The following FMNL3 variants were observed in gnomAD, a reference collection of about 807,000 sequenced individuals.
The protein encoded by FMNL3 is formin-like protein 3.
In FMNL3, 57 loss-of-function variants were observed where a neutral mutation model predicts 119.6. That is an observed-to-expected ratio of 0.48 (90% CI 0.39 to 0.59). FMNL3 has a LOEUF of 0.59. Ranked by LOEUF, FMNL3 falls within the 20% of genes least tolerant of loss-of-function variation. The pLI is 0.00. For synonymous variants in FMNL3, 491 were observed against 507.3 expected, an observed-to-expected ratio of 0.97 and a Z score of 0.43; for missense variants, 1,053 against 1,323.5, an observed-to-expected ratio of 0.80 and a Z score of 3.17.
At position 49,637,707 on chromosome 12, in the gene FMNL3, A is replaced by T; in HGVS notation, c.*8108T>A. On this transcript the variant is annotated 3_prime_UTR_variant, in exon 26 of 26. Transcript: ENST00000335154. ...AGGCCTTGGGAAGCTGCCGCCCGCC[A>T]GGCCCCCCTCCCTCCCTCCTTACAG... 1.1e-6 allele frequency: 1 copy of T among 872,020 alleles called. No homozygotes were observed. The highest frequency in any genetic ancestry group is 1.7e-6 in the Non-Finnish European group (1 of 604,112). The allele number at this position is 872,020 out of a possible 1,614,324, so 54.0% of individuals were successfully genotyped here.
At position 49,644,319 on chromosome 12, in the gene FMNL3, A is replaced by G; in HGVS notation, c.*1496T>C. 1 of 1,057,156 alleles carries G rather than the reference A, an allele frequency of 9.5e-7. No individual in the cohort carries two copies. The highest frequency in any genetic ancestry group is 1.4e-5 in the South Asian group (1 of 69,672). The allele number at this position is 1,057,156 out of a possible 1,614,324, so 65.5% of individuals were successfully genotyped here. A position where few individuals can be genotyped will look rare whatever the true frequency, so the allele number is the denominator to read the frequency against. ...CTTTTTCTAAAGTAACCCCACCCCCAGCACACCATTGTTGGCACCTCTCAA... is the reference window on the plus strand; with the variant it reads ...CTTTTTCTAAAGTAACCCCACCCCCGGCACACCATTGTTGGCACCTCTCAA... On this transcript the variant is annotated 3_prime_UTR_variant, in exon 26 of 26. Transcript: ENST00000335154.
chr12:49,636,614 C>T lies in FMNL3; in HGVS notation c.*9201G>A. On this transcript the variant is annotated 3_prime_UTR_variant, in exon 26 of 26. Coordinates refer to ENST00000335154, the MANE Select transcript of FMNL3 (RefSeq NM_175736.5). ...CCCTTCCCCCACCACCCTGGGTATC[C>T]CTAGCACCTGTAGGACAGCATCGTT... The T allele has an allele frequency of 6.5e-7, 1 of 1,535,090 alleles. No individual in the cohort carries two copies.
rs1422897757 is a variant in FMNL3 at position 49,656,837 on chromosome 12, A to T, written c.777T>A (p.Asn259Lys). ...AAGGAACTCACCTTGGATTCTTGTT[A>T]TTGAGGCTAAGTGCAATCTCATTGA... is the stretch of plus-strand genomic sequence containing the variant. The part of the protein sequence containing the change: ...HAVNEIALSL[N>K]NKNPRTKALV... The change falls in exon 8 of 26, where the codon AAT (asparagine) becomes AAA (lysine). Residue 259 changes from asparagine to lysine, a missense_variant. Asn to Lys is a moderately conservative substitution (Grantham distance 94). Around this residue, in one of 4 missense-constraint regions of FMNL3, gnomAD observed 445 missense variants for 628.4 expected, o/e 0.71. Transcript: ENST00000335154. 1 of 1,613,904 alleles carries T rather than the reference A, an allele frequency of 6.2e-7. No homozygotes were observed. Among genetic ancestry groups the T allele is most frequent in the Non-Finnish European group, 8.5e-7 (1 of 1,179,926 alleles).
At chr12:49,653,404 C>T in intron 12 of FMNL3, 77 bp from the exon 13 acceptor site, 1 of 1,458,088 alleles carries the variant, frequency 6.9e-7, no homozygotes, top group East Asian at 2.3e-5. Context: ...CTAGTCAAGA[C>T]CTGAGTCGGA....
rs1182055088 is a variant in FMNL3 at position 49,642,633 on chromosome 12, G to A, written c.*3182C>T. The A allele has an allele frequency of 2.5e-6, 4 of 1,614,198 alleles. No individual in the cohort carries two copies. In the South Asian group the frequency reaches 3.3e-5, roughly 13 times the overall value. ...CCTTTGAGCAGATCACCCTGGAGTCGGAGCGGATCCGGCTCTTCCGGGAGT... is the reference window on the plus strand; with the variant it reads ...CCTTTGAGCAGATCACCCTGGAGTCAGAGCGGATCCGGCTCTTCCGGGAGT... On this transcript the variant is annotated 3_prime_UTR_variant, in exon 26 of 26. Coordinates refer to ENST00000335154, the MANE Select transcript of FMNL3 (RefSeq NM_175736.5). The surrounding 1 kb of genome is among the most constrained non-coding windows in gnomAD (Gnocchi z 5.8).
intron 25 of FMNL3, chr12:49,646,673 A>C: frequency 6.5e-7 from 1 of 1,535,282 alleles, no homozygotes; most frequent in Non-Finnish European, 8.7e-7. Context: ...TAACAGTTTG[A>C]CTCATCATGG....
At chr12:49,682,731 CCTCAT>C (rs1290618607) in intron 1 of FMNL3, among the ~76,000 whole-genome samples, 1 of 151,866 alleles carries the variant, frequency 6.6e-6, no homozygotes, top group Non-Finnish European at 1.5e-5. Context: ...AGTATGATTC[CCTCAT>C]CTCATGTGAT....
rs1942048276 is a variant in FMNL3, at chr12:49,637,736, C to G, written c.*8079G>C. 1 of 1,593,394 alleles carries G rather than the reference C, an allele frequency of 6.3e-7. No homozygotes were observed. The highest frequency in any genetic ancestry group is 1.3e-5 in the African/African-American group (1 of 74,274). On this transcript the variant is annotated 3_prime_UTR_variant, in exon 26 of 26. Coordinates refer to ENST00000335154, the MANE Select transcript of FMNL3 (RefSeq NM_175736.5). ...CCCCCTCCCTCCCTCCTTACAGGCT[C>G]CACCCCTCTGGACTTATTCAAGTTC...
At chr12:49,682,071 C>T (rs1183225490) in intron 1 of FMNL3, among the ~76,000 whole-genome samples, 1 of 150,762 alleles carries the variant, frequency 6.6e-6, no homozygotes, top group East Asian at 2.0e-4. Context: ...ACAATTTCAA[C>T]CTTTTTTTTT....
intron 1 of FMNL3, among the ~76,000 whole-genome samples, chr12:49,687,854 A>T (rs1213266188): frequency 2.0e-5 from 3 of 152,124 alleles, no homozygotes; most frequent in African/African-American, 7.2e-5. Flanking sequence ...CTGAACCCTA[A>T]CATTCCCTCC....
intron 1 of FMNL3, among the ~76,000 whole-genome samples, chr12:49,680,256 A>G (rs17123879): frequency 0.022 from 3,388 of 152,328 alleles, 133 homozygotes; most frequent in African/African-American, 0.077. Flanking sequence ...AAAGCCATAA[A>G]ACTTAATGAA....
Position 49,652,136 on chromosome 12 carries a change from C to T in FMNL3, c.1400G>A (p.Arg467His), listed in dbSNP as rs1286854829. ...GACATTTGGCTCCAAATGACATCGA[C>T]GCTGAAAGGCCTCCTCCTTCTCTTT... ...LIKEKEEAFQ[R>H]RCHLEPNVRG... is the part of the protein sequence containing the mutation. The change falls in exon 14 of 26, where the codon CGT becomes CAT. Residue 467 changes from arginine to histidine, a missense_variant. This residue lies in a region of FMNL3 where 445 missense variants were observed against 628.4 expected (regional missense o/e 0.71). Coordinates refer to ENST00000335154, the MANE Select transcript of FMNL3 (RefSeq NM_175736.5). 8.7e-6 allele frequency: 14 copies of T among 1,613,130 alleles called. No individual in the cohort carries two copies. The highest frequency in any genetic ancestry group is 5.0e-5 in the Admixed American group (3 of 59,896).
chr12:49,660,268 T>G (rs1157179545), intron 5 of FMNL3, among the ~76,000 whole-genome samples: 1 of 152,144 alleles, frequency 6.6e-6, no homozygotes, highest in African/African-American at 2.4e-5. Flanking sequence ...GAGTCAAAGG[T>G]ATTGCCATGG....
chr12:49,687,524 C>T (rs999497493), intron 1 of FMNL3, among the ~76,000 whole-genome samples: 1 of 152,144 alleles, frequency 6.6e-6, no homozygotes. Flanking sequence ...GCTATAACCC[C>T]CAATGACCAT....
rs955996605 is a variant in FMNL3, at chr12:49,637,002, T to C, written c.*8813A>G. ...GAGACCTCTCTCTGCCTGCAGTCTG[T>C]TTCTGCTGTACCTCCTCAATTCTGG... is the stretch of plus-strand genomic sequence containing the variant. On this transcript the variant is annotated 3_prime_UTR_variant, in exon 26 of 26. Transcript: ENST00000335154. 8.7e-7 allele frequency: 1 copy of C among 1,151,516 alleles called. No individual in the cohort carries two copies. Among genetic ancestry groups the C allele is most frequent in the Non-Finnish European group, 1.2e-6 (1 of 817,926 alleles). The allele number at this position is 1,151,516 out of a possible 1,614,324, so 71.3% of individuals were successfully genotyped here. A position where few individuals can be genotyped will look rare whatever the true frequency, so the allele number is the denominator to read the frequency against.
chr12:49,642,368 A>G lies in FMNL3; in HGVS notation c.*3447T>C. Reference sequence around the variant, plus strand: ...GCTCTGGAGCTAGGCACTGCCTGGGAAGAGGTCAGGAGCGTAGCCTGGCCC... The same window carrying G: ...GCTCTGGAGCTAGGCACTGCCTGGGGAGAGGTCAGGAGCGTAGCCTGGCCC... On this transcript the variant is annotated 3_prime_UTR_variant, in exon 26 of 26. Transcript: ENST00000335154. This position sits in a 1 kb window ranked among gnomAD's most constrained non-coding sequence, Gnocchi z 5.8. The G allele has an allele frequency of 1.2e-5, 19 of 1,613,724 alleles. No homozygotes were observed. The highest frequency in any genetic ancestry group is 1.5e-5 in the Non-Finnish European group (18 of 1,179,992).
intron 1 of FMNL3, among the ~76,000 whole-genome samples, chr12:49,689,748 T>C (rs907005844): frequency 6.6e-6 from 1 of 152,194 alleles, no homozygotes; most frequent in African/African-American, 2.4e-5. Context: ...AAACTCAGTG[T>C]GTACTGGCCA....
In FMNL3 at chr12:49,640,065, C is replaced by A. The variant is rs2138602729; in HGVS notation, c.*5750G>T. On this transcript the variant is annotated 3_prime_UTR_variant, in exon 26 of 26. Coordinates refer to ENST00000335154, the MANE Select transcript of FMNL3 (RefSeq NM_175736.5). ...AACTTTTTTAGACAGTTCCCTTCCT[C>A]TTTCCCCATTTGGGTTCCTGCCTAT... The A allele has an allele frequency of 6.6e-6, 1 of 152,352 alleles. No homozygotes were observed. Among genetic ancestry groups the A allele is most frequent in the East Asian group, 1.9e-4 (1 of 5,186 alleles). The allele number at this position is 152,352 out of a possible 1,614,324, so 9.4% of individuals were successfully genotyped here.
At chr12:49,683,168 G>A (rs1944378792) in intron 1 of FMNL3, among the ~76,000 whole-genome samples, 1 of 152,138 alleles carries the variant, frequency 6.6e-6, no homozygotes, top group African/African-American at 2.4e-5. Flanking sequence ...TCACTGAAGG[G>A]CTGTGCTGTG....
Sources: gnomAD v4.1 joint callset for allele counts (sites outside exome capture counted in the v4.1 genomes callset) on GRCh38, gnomAD v4.1.1 for gene constraint, gnomAD v4.1.1 regional missense constraint, Gnocchi (gnomAD v3.1) non-coding constraint, MANE v1.5 for transcripts, NCBI Gene and HGNC (gene_info 2026-07-23, HGNC 2026-07-21) for gene names.